The following THADA variants were observed in gnomAD, a reference collection of about 807,000 sequenced individuals.
The protein encoded by THADA is THADA armadillo repeat containing.
Under a neutral mutation model 219.8 loss-of-function variants are expected in THADA, and 213 were observed. That is an observed-to-expected ratio of 0.97 (90% CI 0.87 to 1.09). The LOEUF (loss-of-function observed/expected upper bound fraction) is 1.09. Ranked by LOEUF, THADA falls within the 50% of genes least tolerant of loss-of-function variation. The probability of loss-of-function intolerance (pLI) is 0.00; values close to 1 mark genes in which losing one functional copy is unlikely to be tolerated. For synonymous variants in THADA, 1,018 were observed against 828.9 expected (o/e 1.23, Z -3.92); for missense variants, 2,956 against 2,311.3 (o/e 1.28, Z -5.72).
At chr2:43,258,242 G>A (rs1670543877) in intron 36 of THADA, among the ~76,000 whole-genome samples, 1 of 152,190 alleles carries the variant, frequency 6.6e-6, no homozygotes, top group Admixed American at 6.5e-5. Context: ...TTATTTGTTG[G>A]CCAGGTGCGG....
chr2:43,247,999 C>T (rs112518593), intron 36 of THADA, among the ~76,000 whole-genome samples: 3,232 of 151,336 alleles, frequency 0.021, 95 homozygotes, highest in African/African-American at 0.07. Flanking sequence ...GCTGTGATCA[C>T]ACTGCTGTAC....
At chr2:43,511,817 A>G (rs1259110812) in intron 22 of THADA, among the ~76,000 whole-genome samples, 1 of 152,184 alleles carries the variant, frequency 6.6e-6, no homozygotes, top group African/African-American at 2.4e-5. Context: ...TTAGGCGTAC[A>G]TGGGATCAGT....
intron 29 of THADA, among the ~76,000 whole-genome samples, chr2:43,368,743 C>A (rs909184889): frequency 6.6e-6 from 1 of 152,100 alleles, no homozygotes; most frequent in Non-Finnish European, 1.5e-5. Flanking sequence ...TTTTAATTTA[C>A]CTATACTGAA....
intron 36 of THADA, among the ~76,000 whole-genome samples, chr2:43,260,947 T>C (rs756926257): frequency 2.0e-5 from 3 of 152,166 alleles, no homozygotes; most frequent in African/African-American, 7.2e-5. Context: ...TTTTACATTC[T>C]GAGAAAGGAA....
At chr2:43,244,389 G>C (rs6544634) in intron 36 of THADA, among the ~76,000 whole-genome samples, 43,259 of 152,124 alleles carry the variant, frequency 0.28, 8,036 homozygotes, top group African/African-American at 0.53. Flanking sequence ...TGAAAAAGAC[G>C]TGGTTCTCCA....
chr2:43,457,352 C>G (rs530895521), intron 26 of THADA, among the ~76,000 whole-genome samples: 27 of 152,254 alleles, frequency 1.8e-4, no homozygotes, highest in African/African-American at 6.3e-4. Context: ...GGTGCAGATG[C>G]TTCAATAACA....
intron 29 of THADA, among the ~76,000 whole-genome samples, chr2:43,395,249 G>C (rs1444339994): frequency 1.3e-5 from 2 of 152,210 alleles, no homozygotes; most frequent in African/African-American, 4.8e-5. Flanking sequence ...TTCTAACTCA[G>C]ATACAGTTCA....
intron 28 of THADA, among the ~76,000 whole-genome samples, chr2:43,415,818 T>A (rs1028119978): frequency 2.0e-5 from 3 of 152,148 alleles, no homozygotes; most frequent in African/African-American, 7.2e-5. Flanking sequence ...GGGAATTCTA[T>A]CAGGACATGG....
chr2:43,447,371 C>G (rs1681715115), intron 26 of THADA, among the ~76,000 whole-genome samples: 1 of 152,154 alleles, frequency 6.6e-6, no homozygotes, highest in Non-Finnish European at 1.5e-5. Context: ...TCTCCCAAAT[C>G]TCCCTCTGCC....
intron 15 of THADA, chr2:43,563,380 A>G (rs1698306697): frequency 6.6e-6 from 1 of 152,164 alleles, no homozygotes; most frequent in African/African-American, 2.4e-5. Flanking sequence ...AACACTCTCC[A>G]GCCTCCTAGG....
Position 43,586,693 on chromosome 2 carries a change from A to G in THADA, c.484+9T>C. On this transcript the variant is annotated intron_variant, in intron 6 of 37. Transcript: ENST00000405975. The stretch of plus-strand genomic sequence containing the variant: ...AACTCATGGAACAAAATAAAATAAT[A>G]GGACTTACCATTTTTAAGCAGATTA... The G allele has an allele frequency of 6.2e-7, 1 of 1,609,382 alleles. No homozygotes were observed. Among genetic ancestry groups the G allele is most frequent in the Non-Finnish European group, 8.5e-7 (1 of 1,178,712 alleles).
At chr2:43,443,476 C>A (rs1291649080) in intron 26 of THADA, among the ~76,000 whole-genome samples, 1 of 152,154 alleles carries the variant, frequency 6.6e-6, no homozygotes, top group African/African-American at 2.4e-5. Context: ...AACAAGCAAA[C>A]AGGCTAATAA....
At chr2:43,563,769 A>T (rs1698352457) in intron 15 of THADA, 1 of 152,166 alleles carries the variant, frequency 6.6e-6, no homozygotes, top group Non-Finnish European at 1.5e-5. Flanking sequence ...ACTAATCTCA[A>T]ATCAGTCCTA....
At chr2:43,482,943 G>C (rs887845815) in intron 26 of THADA, among the ~76,000 whole-genome samples, 19 of 152,160 alleles carry the variant, frequency 1.2e-4, no homozygotes, top group African/African-American at 4.1e-4. Flanking sequence ...TGGAGAAACT[G>C]AAGTGCAAAG....
chr2:43,448,109 A>G (rs1032120798), intron 26 of THADA, among the ~76,000 whole-genome samples: 8 of 152,252 alleles, frequency 5.3e-5, no homozygotes, highest in Non-Finnish European at 1.0e-4. Flanking sequence ...GAAACAAAAC[A>G]AAACCAGTGA....
rs549448781 is a variant in THADA at position 43,438,123 on chromosome 2, A to T, written c.3837-7821T>A. ...GAGACCATGCTGGCTAACACAGTGA[A>T]ACCCCGTCTCTACTAAAAATTAAAA... On this transcript the variant is annotated intron_variant, in intron 26 of 37. Transcript: ENST00000405975. Among the ~76,000 whole-genome samples the T allele has an allele frequency of 4.8e-4, 73 of 152,068 alleles. 1 individual carries two copies. The highest frequency in any genetic ancestry group is 1.7e-3 in the African/African-American group (72 of 41,490).
intron 26 of THADA, among the ~76,000 whole-genome samples, chr2:43,481,790 G>C (rs1258908498): frequency 6.6e-6 from 1 of 152,184 alleles, no homozygotes; most frequent in Non-Finnish European, 1.5e-5. Context: ...ATTTAAGGTG[G>C]AGAGTGTGCA....
Position 43,508,667 on chromosome 2 carries a change from C to G in THADA, c.3488G>C (p.Gly1163Ala), listed in dbSNP as rs746685339. ...SKLCATRRSA[G>A]IPFYIQALLA... is the part of the protein sequence containing the mutation. ...AAATACCTGTATGTAGAAAGGAATT[C>G]CAGCACTGCGCCTTGTAGCACAGAG... Residue 1163 changes from glycine to alanine, a missense_variant, in exon 23 of 38, where the codon GGA (glycine) becomes GCA (alanine). Gly to Ala is a moderately conservative substitution (Grantham distance 60). Transcript: ENST00000405975. The G allele has an allele frequency of 6.2e-7, 1 of 1,613,396 alleles. No individual in the cohort carries two copies. The highest frequency in any genetic ancestry group is 8.5e-7 in the Non-Finnish European group (1 of 1,179,588).
At chr2:43,439,803 T>C (rs1370765892) in intron 26 of THADA, among the ~76,000 whole-genome samples, 1 of 152,188 alleles carries the variant, frequency 6.6e-6, no homozygotes, top group African/African-American at 2.4e-5. Flanking sequence ...AAGACTACTG[T>C]AATGTTCTAT....
Sources: gnomAD v4.1 joint callset for allele counts (sites outside exome capture counted in the v4.1 genomes callset) on GRCh38, gnomAD v4.1.1 for gene constraint, MANE v1.5 for transcripts, NCBI Gene and HGNC (gene_info 2026-07-23, HGNC 2026-07-21) for gene names.